ZDHHC1: variants seen among roughly 807,000 people sequenced by gnomAD.
ZDHHC1 encodes palmitoyltransferase ZDHHC1.
In ZDHHC1, 45 loss-of-function variants were observed where a neutral mutation model predicts 46.9. That is an observed-to-expected ratio of 0.96 (90% CI 0.76 to 1.23). The LOEUF (loss-of-function observed/expected upper bound fraction) is 1.23, where lower values mean the gene tolerates loss of function less well. Among genes scored for constraint, ZDHHC1 ranks in the 50% most tolerant of loss-of-function variants. The pLI, the probability that ZDHHC1 is intolerant of heterozygous loss-of-function variation, is 0.00. For synonymous variants in ZDHHC1, 291 were observed against 286.0 expected, an observed-to-expected ratio of 1.02 and a Z score of -0.18; for missense variants, 649 against 670.8, an observed-to-expected ratio of 0.97 and a Z score of 0.36.
At position 67,394,531 on chromosome 16, in the gene ZDHHC1, C is replaced by T. The variant is rs1165652058; in HGVS notation, c.*79G>A. 5 of 1,114,332 alleles carry T rather than the reference C, an allele frequency of 4.5e-6. No homozygotes were observed. The East Asian group carries it at 2.5e-4, about 57-fold the overall frequency. 69.0% of individuals were successfully genotyped at this position (1,114,332 alleles called of 1,614,324 possible). ...CGGCCGTAGGGGCCCCTAAAGTGCA[C>T]TCGGTGCGGCAAGGATGGGGTGTTG... On this transcript the variant is annotated 3_prime_UTR_variant, in exon 12 of 12. Coordinates refer to ENST00000565726, the MANE Select transcript of ZDHHC1 (RefSeq NM_001323627.2).
intron 4 of ZDHHC1, 48 bp from the exon 5 acceptor site, chr16:67,399,504 C>G: frequency 6.5e-7 from 1 of 1,528,160 alleles, no homozygotes; most frequent in Non-Finnish European, 9.0e-7. Context: ...ATTCCCCGCT[C>G]TGCGGCCCGG....
At chr16:67,411,841 G>C (rs564644164) in intron 1 of ZDHHC1, among the ~76,000 whole-genome samples, 2 of 152,202 alleles carry the variant, frequency 1.3e-5, no homozygotes, top group African/African-American at 4.8e-5. Flanking sequence ...GGCCGGGCGC[G>C]GTGGCTCACG....
Position 67,406,901 on chromosome 16 carries a change from C to G in ZDHHC1, c.10-459G>C, listed in dbSNP as rs554256281. 1.3e-5 allele frequency among the ~76,000 whole-genome samples: 2 copies of G among 152,122 alleles called. No homozygotes were observed. The highest frequency in any genetic ancestry group is 2.9e-5 in the Non-Finnish European group (2 of 68,026). On this transcript the variant is annotated intron_variant, in intron 2 of 11. Coordinates refer to ENST00000565726, the MANE Select transcript of ZDHHC1 (RefSeq NM_001323627.2). The surrounding 1 kb of genome is among the most constrained non-coding windows in gnomAD (Gnocchi z 4.1). ...CCCCGCTATCCTTTGCTCAGGGAAA[C>G]GGGGAATGGGGTGCCCAGAAGGAGG...
intron 3 of ZDHHC1, among the ~76,000 whole-genome samples, chr16:67,403,603 CTTTTG>C (rs1388606138): frequency 2.0e-5 from 3 of 151,292 alleles, no homozygotes; most frequent in Non-Finnish European, 2.9e-5. Context: ...AGCCTCATTT[CTTTTG>C]TTTTTTGTTT....
rs751758769 is a variant in ZDHHC1, at chr16:67,399,417, G to C, written c.468C>G (p.Cys156Trp). Residue 156 changes from cysteine (C) to tryptophan (W), a missense_variant, in exon 5 of 12, where the codon TGC (cysteine) becomes TGG (tryptophan). Coordinates refer to ENST00000565726, the MANE Select transcript of ZDHHC1 (RefSeq NM_001323627.2). ...RSKHCSACNK[C>W]VCGFDHHCKW... ...TGCAGTGGTGGTCGAAACCGCACAC[G>C]CACTTGTTGCAGGCGCTGCAGTGCT... The C allele has an allele frequency of 2.5e-6, 4 of 1,613,158 alleles. No individual in the cohort carries two copies. Among genetic ancestry groups the C allele is most frequent in the African/African-American group, 1.3e-5 (1 of 74,940 alleles).
intron 1 of ZDHHC1, among the ~76,000 whole-genome samples, chr16:67,415,192 T>TCACAC (rs1305824129): frequency 2.6e-5 from 4 of 152,096 alleles, no homozygotes; most frequent in Non-Finnish European, 5.9e-5. Flanking sequence ...TTGCAGTGGC[T>TCACAC]CACACCTGTA....
chr16:67,395,653 A>C, intron 8 of ZDHHC1, 87 bp from the exon 9 acceptor site: 2 of 1,309,022 alleles, frequency 1.5e-6, no homozygotes, highest in Non-Finnish European at 2.1e-6. Flanking sequence ...TCCTGCCCTC[A>C]TTGGCCTCTG....
In ZDHHC1 at chr16:67,395,187, C is replaced by A. The variant is rs1469142650; in HGVS notation, c.1104G>T (p.Gln368His). 1 of 1,612,632 alleles carries A rather than the reference C, an allele frequency of 6.2e-7. No homozygotes were observed. The highest frequency in any genetic ancestry group is 8.5e-7 in the Non-Finnish European group (1 of 1,179,878). ...GGAGGCCCAGCACAGTCCCTCCTACCTGGGGTCGGATCCGGGGAGGCAGGG... is the reference window on the plus strand; with the variant it reads ...GGAGGCCCAGCACAGTCCCTCCTACATGGGGTCGGATCCGGGGAGGCAGGG... ...TLALPPRIRP[Q>H]KKRKRRVYKV... The change falls in exon 10 of 12, where the codon CAG becomes CAT. Residue 368 changes from glutamine to histidine, a missense_variant and splice_region_variant. Transcript: ENST00000565726.
intron 1 of ZDHHC1, among the ~76,000 whole-genome samples, chr16:67,411,804 C>T (rs1046039173): frequency 4.6e-5 from 7 of 152,106 alleles, no homozygotes; most frequent in African/African-American, 1.2e-4. Context: ...TTGTAGATGG[C>T]GCTACCAAGT....
In ZDHHC1 at chr16:67,394,858, T is replaced by C. The variant is rs1244951805; in HGVS notation, c.1201A>G (p.Thr401Ala). The C allele has an allele frequency of 1.3e-6, 2 of 1,564,394 alleles. No individual in the cohort carries two copies. The highest frequency in any genetic ancestry group is 1.2e-5 in the South Asian group (1 of 86,146). ...RAPSRRSSSS[T>A]DSADASPVHA... ...ACAGGGCTGGCGTCCGCGGAATCCG[T>C]CGACGAGCTGGAGCGGCGGCTGGGG... The change falls in exon 12 of 12, where the codon ACG becomes GCG. Residue 401 changes from threonine (T) to alanine (A), a missense_variant. Physicochemically the swap from Thr to Ala is moderately conservative, Grantham distance 58. Coordinates refer to ENST00000565726, the MANE Select transcript of ZDHHC1 (RefSeq NM_001323627.2).
chr16:67,398,595 C>A lies in ZDHHC1; in HGVS notation c.792G>T (p.Leu264=). 1 of 1,603,734 alleles carries A rather than the reference C, an allele frequency of 6.2e-7. No homozygotes were observed. Among genetic ancestry groups the A allele is most frequent in the Non-Finnish European group, 8.5e-7 (1 of 1,176,592 alleles). Residue 264 remains leucine (L), a synonymous_variant, in exon 7 of 12, where the codon CTG becomes CTT. Transcript: ENST00000565726. ...GLLSTALLGH[L]LCFHIYLMWH... ...TACTGAGATAAATGTGGAAGCAGAGCAGGTGCCCCAGGAGGGCTGTGGACA... is the reference window on the plus strand; with the variant it reads ...TACTGAGATAAATGTGGAAGCAGAGAAGGTGCCCCAGGAGGGCTGTGGACA...
At chr16:67,399,085 G>T in intron 5 of ZDHHC1, 141 bp from the exon 6 acceptor site, 3 of 1,262,420 alleles carry the variant, frequency 2.4e-6, no homozygotes, top group East Asian at 2.6e-5. Context: ...GAAGCCAAAG[G>T]CATACGGCAA....
rs1377010216 is a variant in ZDHHC1, at chr16:67,395,203, G to C, written c.1088C>G (p.Pro363Arg). Reference sequence around the variant, plus strand: ...CCCTCCTACCTGGGGTCGGATCCGGGGAGGCAGGGCGAGAGTGTCTGGGGA... The same window carrying C: ...CCCTCCTACCTGGGGTCGGATCCGGCGAGGCAGGGCGAGAGTGTCTGGGGA... ...PSSPDTLALP[P>R]RIRPQKKRKR... Residue 363 changes from proline to arginine, a missense_variant, in exon 10 of 12, where the codon CCC (proline) becomes CGC (arginine). Physicochemically the swap from Pro to Arg is moderately radical, Grantham distance 103. Transcript: ENST00000565726. 2 of 1,611,870 alleles carry C rather than the reference G, an allele frequency of 1.2e-6. No homozygotes were observed. Among genetic ancestry groups the C allele is most frequent in the Admixed American group, 3.3e-5 (2 of 59,876 alleles).
At chr16:67,402,748 T>A (rs1196610558) in intron 3 of ZDHHC1, among the ~76,000 whole-genome samples, 1 of 152,046 alleles carries the variant, frequency 6.6e-6, no homozygotes, top group African/African-American at 2.4e-5. Context: ...TGCCTCAGCC[T>A]CCCGAGTAGC....
In ZDHHC1 at chr16:67,399,449, G is replaced by A; in HGVS notation, c.436C>T (p.Arg146Cys). Residue 146 changes from arginine to cysteine, a missense_variant, in exon 5 of 12, where the codon CGC becomes TGC. Physicochemically the swap from Arg to Cys is radical, Grantham distance 180 (BLOSUM62 -3). Coordinates refer to ENST00000565726, the MANE Select transcript of ZDHHC1 (RefSeq NM_001323627.2). ...TTGCAGGCGCTGCAGTGCTTGGAGC[G>A]AGCGCTCCTGCAGGGAGAGGGGGCA... ...CNLCNVDVSA[R>C]SKHCSACNKC... 1.2e-6 allele frequency: 2 copies of A among 1,611,740 alleles called. No individual in the cohort carries two copies. The highest frequency in any genetic ancestry group is 1.7e-6 in the Non-Finnish European group (2 of 1,178,924).
Position 67,406,032 on chromosome 16 carries a change from G to A in ZDHHC1, c.252+168C>T, listed in dbSNP as rs2040648208. On this transcript the variant is annotated intron_variant, in intron 3 of 11. Coordinates refer to ENST00000565726, the MANE Select transcript of ZDHHC1 (RefSeq NM_001323627.2). The surrounding 1 kb of genome is among the most constrained non-coding windows in gnomAD (Gnocchi z 4.1). ...CTATCAGGTGGAGAGGTCAGGTGGA[G>A]GCTGGAGACAGGCTGGGAAGCAGCA... Among the ~76,000 whole-genome samples the A allele has an allele frequency of 6.6e-6, 1 of 152,226 alleles. No individual in the cohort carries two copies. Among genetic ancestry groups the A allele is most frequent in the East Asian group, 1.9e-4 (1 of 5,190 alleles).
intron 9 of ZDHHC1, 91 bp downstream of exon 9, chr16:67,395,393 C>T: frequency 6.5e-7 from 1 of 1,533,504 alleles, no homozygotes; most frequent in Non-Finnish European, 8.8e-7. Flanking sequence ...CTGACCCATG[C>T]CCCGACCTTA....
intron 8 of ZDHHC1, among the ~76,000 whole-genome samples, chr16:67,397,629 G>T (rs940130672): frequency 6.6e-6 from 1 of 152,130 alleles, no homozygotes; most frequent in Non-Finnish European, 1.5e-5. Flanking sequence ...CTCCTTTGAC[G>T]ACTGGATCAC....
At position 67,398,321 on chromosome 16, in the gene ZDHHC1, C is replaced by T; in HGVS notation, c.818G>A (p.Trp273Ter). 6.2e-7 allele frequency: 1 copy of T among 1,612,926 alleles called. No homozygotes were observed. The change falls in exon 8 of 12, where the codon TGG becomes TAG. Residue 273 changes from tryptophan to a stop codon, truncating the protein, a stop_gained. Coordinates refer to ENST00000565726, the MANE Select transcript of ZDHHC1 (RefSeq NM_001323627.2). LOFTEE classifies it high-confidence loss of function. ...HLLCFHIYLMWHKLTTYEYIV... is the reference protein window; with the variant it reads ...HLLCFHIYLM ...GTACTCATAGGTGGTGAGCTTGTGC[C>T]ACACTGGTGGGGGGAGGAGAGGGCT... is the stretch of plus-strand genomic sequence containing the variant.
Sources: allele counts gnomAD v4.1 joint callset (sites outside exome capture counted in the v4.1 genomes callset), GRCh38; gene constraint gnomAD v4.1.1; non-coding constraint Gnocchi (gnomAD v3.1); transcripts MANE v1.5; gene names NCBI Gene and HGNC (gene_info 2026-07-23, HGNC 2026-07-21).